Variants in ITGBL1 observed in about 807,000 individuals in gnomAD.
ITGBL1 encodes integrin beta-like protein 1.
Under a neutral mutation model 68.5 loss-of-function variants are expected in ITGBL1, and 51 were observed. The ratio of observed to expected loss-of-function variants is 0.74; its 90% CI spans 0.59 to 0.94. The LOEUF is 0.94. Ranked by LOEUF, ITGBL1 falls within the 40% of genes least tolerant of loss-of-function variation. The pLI, the probability that ITGBL1 is intolerant of heterozygous loss-of-function variation, is 0.00. For missense variants in ITGBL1, 649 were observed against 647.4 expected, an observed-to-expected ratio of 1.00 and a Z score of -0.03; for synonymous variants, 209 against 227.3, an observed-to-expected ratio of 0.92 and a Z score of 0.72.
Position 101,688,474 on chromosome 13 carries a change from T to C in ITGBL1, c.1016-4111T>C, listed in dbSNP as rs150667461. 7.9e-5 allele frequency among the ~76,000 whole-genome samples: 12 copies of C among 152,290 alleles called. 1 individual carries two copies. The highest frequency in any genetic ancestry group is 2.9e-4 in the African/African-American group (12 of 41,554). On this transcript the variant is annotated intron_variant, in intron 7 of 10. Transcript: ENST00000376180. ...ATAGGGAACATAAAGTCTCTGAACA[T>C]GAGTGCTCTATAATTGCTGGATATA...
At chr13:101,712,225 AAC>A (rs1334006650) in intron 9 of ITGBL1, 18 of 152,248 alleles carry the variant, frequency 1.2e-4, no homozygotes, top group Admixed American at 1.2e-3. Context: ...AGGAAAGAAT[AAC>A]ACAGCTGGGA....
Position 101,653,131 on chromosome 13 carries a change from A to C in ITGBL1, c.1016-39454A>C, listed in dbSNP as rs917442886. ...AAGAAAAAGAAGGAAGGAAGGAAGG[A>C]AACAAGGGGGAGGGGGAGGAGGAGG... On this transcript the variant is annotated intron_variant, in intron 7 of 10. Coordinates refer to ENST00000376180, the MANE Select transcript of ITGBL1 (RefSeq NM_004791.3). 6.0e-5 allele frequency among the ~76,000 whole-genome samples: 9 copies of C among 149,724 alleles called. No homozygotes were observed. The East Asian group carries it at 1.8e-3, about 30-fold the overall frequency.
intron 7 of ITGBL1, among the ~76,000 whole-genome samples, chr13:101,665,843 C>T (rs543654585): frequency 3.7e-4 from 57 of 152,232 alleles, no homozygotes; most frequent in African/African-American, 9.4e-4. Flanking sequence ...AAAACCACAG[C>T]GTTGCACAAA....
chr13:101,638,739 T>C (rs1478831131), intron 7 of ITGBL1, among the ~76,000 whole-genome samples: 1 of 152,156 alleles, frequency 6.6e-6, no homozygotes. Context: ...ACTGGGTCCC[T>C]CCCACAACAC....
chr13:101,560,713 T>G (rs927723183), intron 2 of ITGBL1, among the ~76,000 whole-genome samples: 1 of 152,178 alleles, frequency 6.6e-6, no homozygotes, highest in African/African-American at 2.4e-5. Flanking sequence ...AAGTAAACAT[T>G]CCAAGTGGTT....
At chr13:101,627,519 C>G (rs942636289) in intron 7 of ITGBL1, among the ~76,000 whole-genome samples, 1 of 151,920 alleles carries the variant, frequency 6.6e-6, no homozygotes, top group African/African-American at 2.4e-5. Context: ...ATTGTATTTT[C>G]TATGTGTTTG....
intron 7 of ITGBL1, among the ~76,000 whole-genome samples, chr13:101,654,368 C>T (rs145602206): frequency 0.014 from 2,178 of 152,134 alleles, 27 homozygotes; most frequent in East Asian, 0.068. Flanking sequence ...TCCAGGGACC[C>T]GAAGGTGGGG....
At chr13:101,519,849 A>AT (rs1451637547) in intron 2 of ITGBL1, among the ~76,000 whole-genome samples, 5 of 152,184 alleles carry the variant, frequency 3.3e-5, no homozygotes, top group African/African-American at 1.2e-4. Context: ...TGCTGTATTC[A>AT]TTTAGCAAAT....
At chr13:101,544,589 A>C (rs1004776819) in intron 2 of ITGBL1, among the ~76,000 whole-genome samples, 1 of 152,186 alleles carries the variant, frequency 6.6e-6, no homozygotes. Flanking sequence ...GCTATCAGAC[A>C]GGGACATTTA....
intron 3 of ITGBL1, among the ~76,000 whole-genome samples, chr13:101,569,455 A>T (rs1197364127): frequency 1.3e-5 from 2 of 152,008 alleles, no homozygotes; most frequent in Non-Finnish European, 2.9e-5. Flanking sequence ...GGACATCTGT[A>T]CTCTCTCATT....
chr13:101,534,557 G>T (rs182618268), intron 2 of ITGBL1, among the ~76,000 whole-genome samples: 77 of 152,258 alleles, frequency 5.1e-4, no homozygotes, highest in Admixed American at 8.5e-4. Flanking sequence ...GAAAGGGTCA[G>T]TGCAGAGGTT....
intron 2 of ITGBL1, among the ~76,000 whole-genome samples, chr13:101,549,277 A>C (rs1232890748): frequency 6.6e-6 from 1 of 151,914 alleles, no homozygotes; most frequent in African/African-American, 2.4e-5. Flanking sequence ...TATGGACAGT[A>C]ACCATATTAT....
chr13:101,669,769 A>G (rs1262203142), intron 7 of ITGBL1, among the ~76,000 whole-genome samples: 1 of 152,158 alleles, frequency 6.6e-6, no homozygotes, highest in Non-Finnish European at 1.5e-5. Context: ...TAAAATTGCT[A>G]TGTTCTTCTT....
chr13:101,478,118 A>G (rs2048563240), intron 2 of ITGBL1, among the ~76,000 whole-genome samples: 1 of 152,150 alleles, frequency 6.6e-6, no homozygotes, highest in Non-Finnish European at 1.5e-5. Context: ...TTAACAACAC[A>G]TTAAAAAGAT....
chr13:101,524,514 T>G (rs898328254), intron 2 of ITGBL1, among the ~76,000 whole-genome samples: 1 of 152,058 alleles, frequency 6.6e-6, no homozygotes, highest in Middle Eastern at 3.4e-3. Context: ...GTGGTCATTA[T>G]GCCAATTGAC....
chr13:101,469,069 C>G (rs531879798), intron 2 of ITGBL1, among the ~76,000 whole-genome samples: 121 of 152,292 alleles, frequency 7.9e-4, no homozygotes, highest in Admixed American at 1.6e-3. Flanking sequence ...ACGAATAAGT[C>G]ACATCAGAGA....
chr13:101,543,677 T>C (rs1282137157), intron 2 of ITGBL1, among the ~76,000 whole-genome samples: 7 of 152,330 alleles, frequency 4.6e-5, no homozygotes, highest in East Asian at 1.9e-4. Flanking sequence ...CCATTCTCCC[T>C]GTCACTTTCA....
chr13:101,467,717 G>A (rs2048401764), intron 2 of ITGBL1, among the ~76,000 whole-genome samples: 1 of 152,090 alleles, frequency 6.6e-6, no homozygotes, highest in African/African-American at 2.4e-5. Context: ...CCACTCTTAG[G>A]TTATACGATA....
Position 101,697,100 on chromosome 13 carries a change from A to AT in ITGBL1, c.1132+4406dup, listed in dbSNP as rs996975067. On this transcript the variant is annotated intron_variant, in intron 8 of 10. Transcript: ENST00000376180. ...GCTTCTGTACCCATCATTAGAAAGGATTTTTTTCACATATTACTTACTCAT... is the reference window on the plus strand; with the variant it reads ...GCTTCTGTACCCATCATTAGAAAGGATTTTTTTTCACATATTACTTACTCAT... Among the ~76,000 whole-genome samples the AT allele has an allele frequency of 1.6e-4, 24 of 151,648 alleles. No homozygotes were observed. The East Asian group carries it at 2.9e-3, about 18-fold the overall frequency.
Sources: gnomAD v4.1 joint callset for allele counts (sites outside exome capture counted in the v4.1 genomes callset) on GRCh38, gnomAD v4.1.1 for gene constraint, MANE v1.5 for transcripts, NCBI Gene and HGNC (gene_info 2026-07-23, HGNC 2026-07-21) for gene names.